The following RXFP1 variants were observed in gnomAD, a reference collection of about 807,000 sequenced individuals.
RXFP1 encodes relaxin family peptide receptor 1.
In RXFP1, 73 loss-of-function variants were observed where a neutral mutation model predicts 89.8. That is an observed-to-expected ratio of 0.81 (90% CI 0.67 to 0.99). The LOEUF is 0.99. RXFP1 is among the 50% of genes least tolerant of loss of function. RXFP1 has a pLI of 0.00. For missense variants in RXFP1, 793 were observed against 895.5 expected (o/e 0.89, Z 1.46); for synonymous variants, 277 against 305.5 (o/e 0.91, Z 0.97).
At chr4:158,616,976 G>A (rs1189446795) in intron 8 of RXFP1, among the ~76,000 whole-genome samples, 155 bp from the exon 9 acceptor site, 1 of 145,410 alleles carries the variant, frequency 6.9e-6, no homozygotes, top group East Asian at 2.0e-4. Flanking sequence ...TCCAGCCTGA[G>A]TGCCTCCATC....
intron 1 of RXFP1, among the ~76,000 whole-genome samples, chr4:158,542,761 T>C (rs1256297154): frequency 6.6e-6 from 1 of 152,094 alleles, no homozygotes; most frequent in Admixed American, 6.5e-5. Context: ...TCAGTTCTTT[T>C]GCTCCTTTCC....
intron 8 of RXFP1, among the ~76,000 whole-genome samples, chr4:158,613,902 A>G (rs1236482484): frequency 6.6e-6 from 1 of 152,220 alleles, no homozygotes; most frequent in Non-Finnish European, 1.5e-5. Context: ...TACATCTTAA[A>G]TAATAAGACT....
At chr4:158,601,019 A>G (rs1228898643) in intron 4 of RXFP1, among the ~76,000 whole-genome samples, 2 of 152,156 alleles carry the variant, frequency 1.3e-5, no homozygotes, top group Non-Finnish European at 2.9e-5. Context: ...TTGTAAAATA[A>G]AGAACAGAGA....
chr4:158,554,873 T>C (rs1197670422), intron 1 of RXFP1, among the ~76,000 whole-genome samples: 2 of 152,192 alleles, frequency 1.3e-5, no homozygotes, highest in Non-Finnish European at 2.9e-5. Context: ...AAATGATAGA[T>C]ATTTTAATCT....
rs116960124 is a variant in RXFP1 at position 158,614,705 on chromosome 4, G to C, written c.680+2343G>C. Among the ~76,000 whole-genome samples, 140 of 152,274 alleles carry C rather than the reference G, an allele frequency of 9.2e-4. 1 individual carries two copies. In the East Asian group the frequency reaches 0.025, roughly 27 times the overall value. ...TAAAACTTTTTCCATCAGCAATAAG[G>C]CTGTCTTACTTTCCTATCATTTGTG... On this transcript the variant is annotated intron_variant, in intron 8 of 17. Transcript: ENST00000307765.
At chr4:158,542,110 T>TATATATATA (rs56793848) in intron 1 of RXFP1, among the ~76,000 whole-genome samples, 6 of 13,690 alleles carry the variant, frequency 4.4e-4, no homozygotes, top group African/African-American at 8.1e-4. Flanking sequence ...TATATATATA[T>TATATATATA]TTTTTTTTTA....
rs149882298 is a variant in RXFP1, at chr4:158,567,984, T to G, written c.50-4714T>G. Among the ~76,000 whole-genome samples the G allele has an allele frequency of 7.4e-4, 112 of 152,330 alleles. 1 individual carries two copies. The highest frequency in any genetic ancestry group is 4.6e-3 in the Admixed American group (70 of 15,292). ...TTGGATTCACACTGCTTTTATGAGA[T>G]GTAACACTCACCTCTAAGGTATAAA... On this transcript the variant is annotated intron_variant, in intron 1 of 17. Transcript: ENST00000307765.
At chr4:158,540,353 A>G (rs765155127) in intron 1 of RXFP1, among the ~76,000 whole-genome samples, 12 of 152,064 alleles carry the variant, frequency 7.9e-5, no homozygotes, top group Non-Finnish European at 1.3e-4. Flanking sequence ...GGGACCATAT[A>G]GGGTAACTGA....
At chr4:158,621,228 C>T (rs981389630) in intron 9 of RXFP1, among the ~76,000 whole-genome samples, 9 of 152,064 alleles carry the variant, frequency 5.9e-5, no homozygotes, top group Non-Finnish European at 8.8e-5. Context: ...GGGAGGATAG[C>T]GTGAGCCTGA....
intron 1 of RXFP1, among the ~76,000 whole-genome samples, chr4:158,567,933 C>A (rs553398954): frequency 2.0e-5 from 3 of 152,166 alleles, no homozygotes; most frequent in Non-Finnish European, 2.9e-5. Flanking sequence ...TTGCTCGTTG[C>A]AATAAATCTT....
chr4:158,609,058 C>T (rs1340269965), intron 6 of RXFP1, among the ~76,000 whole-genome samples: 1 of 152,144 alleles, frequency 6.6e-6, no homozygotes, highest in Non-Finnish European at 1.5e-5. Flanking sequence ...TGGGTTGTTT[C>T]CACCTTTTGG....
intron 2 of RXFP1, among the ~76,000 whole-genome samples, chr4:158,587,609 A>T (rs1758548764): frequency 6.6e-6 from 1 of 152,258 alleles, no homozygotes; most frequent in African/African-American, 2.4e-5. Context: ...CTATAGATAG[A>T]ATGTAAACAT....
Position 158,626,111 on chromosome 4 carries a change from T to TATAGATAGATAG in RXFP1, c.756-654_756-643dup, listed in dbSNP as rs71587463. On this transcript the variant is annotated intron_variant, in intron 9 of 17. Transcript: ENST00000307765. ...CAGGAGGATTATATTTAGATATCTATATAGATAGATAGATAGATAGATAGA... is the reference window on the plus strand; with the variant it reads ...CAGGAGGATTATATTTAGATATCTATATAGATAGATAGATAGATAGATAGATAGATAGATAGA... Among the ~76,000 whole-genome samples, 154 of 136,678 alleles carry TATAGATAGATAG rather than the reference T, an allele frequency of 1.1e-3. 1 individual carries two copies. Among genetic ancestry groups the TATAGATAGATAG allele is most frequent in the Middle Eastern group, 3.7e-3 (1 of 270 alleles). The allele number at this position is 136,678 out of a possible 152,430, so 89.7% of individuals were successfully genotyped here.
chr4:158,529,244 TTTGTTGTTG>T (rs70962613), intron 1 of RXFP1, among the ~76,000 whole-genome samples: 2 of 109,994 alleles, frequency 1.8e-5, no homozygotes, highest in African/African-American at 7.5e-5. Context: ...TTGCTTGTTT[TTTGTTGTTG>T]TTGTTGTTGT....
chr4:158,621,746 G>A (rs1765669193), intron 9 of RXFP1, among the ~76,000 whole-genome samples: 2 of 152,116 alleles, frequency 1.3e-5, no homozygotes, highest in African/African-American at 4.8e-5. Flanking sequence ...AAAAAGACTG[G>A]GAAAGAAGAC....
At chr4:158,632,074 G>T (rs974713183) in intron 11 of RXFP1, among the ~76,000 whole-genome samples, 2 of 152,128 alleles carry the variant, frequency 1.3e-5, no homozygotes, top group African/African-American at 4.8e-5. Context: ...ATGCGGTTTT[G>T]ATTTCATCTC....
intron 1 of RXFP1, among the ~76,000 whole-genome samples, chr4:158,534,676 G>A (rs1397449139): frequency 6.6e-6 from 1 of 151,912 alleles, no homozygotes; most frequent in Non-Finnish European, 1.5e-5. Flanking sequence ...CATGAACCCT[G>A]AAAGGTAATG....
intron 9 of RXFP1, among the ~76,000 whole-genome samples, chr4:158,619,597 C>A (rs1173289080): frequency 6.6e-6 from 1 of 152,126 alleles, no homozygotes; most frequent in Non-Finnish European, 1.5e-5. Context: ...TGATCTCCAC[C>A]AACCACAAGA....
intron 1 of RXFP1, among the ~76,000 whole-genome samples, chr4:158,562,950 A>C (rs745329530): frequency 1.2e-4 from 18 of 152,230 alleles, no homozygotes; most frequent in Non-Finnish European, 2.4e-4. Context: ...GGAGAGGAAG[A>C]AAAGCCTTCC....
Sources: gnomAD v4.1 joint callset for allele counts (sites outside exome capture counted in the v4.1 genomes callset) on GRCh38, gnomAD v4.1.1 for gene constraint, MANE v1.5 for transcripts, NCBI Gene and HGNC (gene_info 2026-07-23, HGNC 2026-07-21) for gene names.